Variants in ARHGAP26 observed in about 807,000 individuals in gnomAD.
The protein encoded by ARHGAP26 is Rho GTPase activating protein 26, also known as rho GTPase-activating protein 26.
ARHGAP26 carries 38 observed loss-of-function variants against 104.8 expected under a neutral mutation model. The ratio of observed to expected loss-of-function variants is 0.36; its 90% CI spans 0.28 to 0.48. The LOEUF is 0.48. Ranked by LOEUF, ARHGAP26 falls within the 20% of genes least tolerant of loss-of-function variation. The probability of loss-of-function intolerance (pLI) is 0.99; values close to 1 mark genes in which losing one functional copy is unlikely to be tolerated. For missense variants in ARHGAP26, 704 were observed against 947.9 expected (o/e 0.74, Z 3.38); for synonymous variants, 341 against 340.0 (o/e 1.00, Z -0.03).
At chr5:143,165,917 G>A in intron 20 of ARHGAP26, 2 of 634,028 alleles carry the variant, frequency 3.2e-6, no homozygotes, top group Non-Finnish European at 4.7e-6. Flanking sequence ...AGGGTTGTTA[G>A]GATGAAATGA....
chr5:142,842,357 CAGA>C (rs901939719), intron 1 of ARHGAP26, among the ~76,000 whole-genome samples: 1 of 152,148 alleles, frequency 6.6e-6, no homozygotes, highest in African/African-American at 2.4e-5. Flanking sequence ...GTCTGTGGGA[CAGA>C]AGGTTTGTGG....
At chr5:142,883,004 C>G (rs927516179) in intron 4 of ARHGAP26, among the ~76,000 whole-genome samples, 1 of 152,150 alleles carries the variant, frequency 6.6e-6, no homozygotes, top group Non-Finnish European at 1.5e-5. Flanking sequence ...ATCTTGTGTC[C>G]TGAGTAATGG....
At chr5:142,919,295 A>G in intron 10 of ARHGAP26, 1 of 398,676 alleles carries the variant, frequency 2.5e-6, no homozygotes, top group Non-Finnish European at 4.4e-6. Flanking sequence ...TGCACCTACA[A>G]GCCAATGAAC....
chr5:142,900,280 A>G (rs1325813485), intron 6 of ARHGAP26, among the ~76,000 whole-genome samples: 1 of 152,192 alleles, frequency 6.6e-6, no homozygotes, highest in African/African-American at 2.4e-5. Flanking sequence ...GAAGAAAAAC[A>G]TTCATTATCA....
At chr5:143,142,210 C>G (rs759022580) in intron 19 of ARHGAP26, among the ~76,000 whole-genome samples, 2 of 137,530 alleles carry the variant, frequency 1.5e-5, no homozygotes, top group Middle Eastern at 4.5e-3. Context: ...ACGATCTTGG[C>G]TCACTGCAAC....
chr5:142,903,409 T>G, intron 7 of ARHGAP26, 131 bp from the exon 8 acceptor site: 1 of 906,434 alleles, frequency 1.1e-6, no homozygotes, highest in Non-Finnish European at 1.7e-6. Context: ...CATAAGGGAG[T>G]ATTTGGCCAG....
chr5:143,131,929 A>AT lies in ARHGAP26; in HGVS notation c.1699-2036dup, dbSNP rs576894930. On this transcript the variant is annotated intron_variant, in intron 18 of 22. Transcript: ENST00000645722. ...TTGCAGTCCTTGAGCTTTTCTTTCTATTATAGAGGCTCAGTAAGAGACTAG... is the reference window on the plus strand; with the variant it reads ...TTGCAGTCCTTGAGCTTTTCTTTCTATTTATAGAGGCTCAGTAAGAGACTAG... 2.6e-3 allele frequency among the ~76,000 whole-genome samples: 395 copies of AT among 152,276 alleles called. 1 individual carries two copies. Among genetic ancestry groups the AT allele is most frequent in the Middle Eastern group, 6.8e-3 (2 of 294 alleles).
In ARHGAP26 at chr5:142,771,119, C is replaced by T. The variant is rs566856024; in HGVS notation, c.154+204C>T. The T allele has an allele frequency of 4.5e-6, 6 of 1,322,696 alleles. No individual in the cohort carries two copies. The African/African-American group carries it at 7.7e-5, about 17-fold the overall frequency. The allele number at this position is 1,322,696 out of a possible 1,614,324, so 81.9% of individuals were successfully genotyped here. A position where few individuals can be genotyped will look rare whatever the true frequency, so the allele number is the denominator to read the frequency against. On this transcript the variant is annotated intron_variant, in intron 1 of 22. Transcript: ENST00000645722. ...TGAAGAGAGAGACCCGTCGCTCCGC[C>T]TTTTGCGTTCAGGGATGGTCGGGAG...
intron 2 of ARHGAP26, chr5:142,874,898 C>G (rs1225974309): frequency 1.8e-6 from 1 of 543,888 alleles, no homozygotes; most frequent in Non-Finnish European, 3.3e-6. Flanking sequence ...AAATCATTCC[C>G]TAGCTAGAGT....
intron 20 of ARHGAP26, among the ~76,000 whole-genome samples, chr5:143,188,844 T>C (rs759520201): frequency 2.9e-4 from 44 of 152,192 alleles, no homozygotes; most frequent in Middle Eastern, 3.4e-3. Flanking sequence ...AAAAAGGAGG[T>C]GTAATAACTG....
intron 5 of ARHGAP26, among the ~76,000 whole-genome samples, chr5:142,892,662 CTGTT>C (rs964150404): frequency 2.0e-5 from 3 of 149,764 alleles, no homozygotes; most frequent in African/African-American, 5.1e-5. Context: ...AATATGACGT[CTGTT>C]TGGCTCACCC....
chr5:142,977,054 CAT>C (rs1362784850), intron 11 of ARHGAP26, among the ~76,000 whole-genome samples: 1 of 152,204 alleles, frequency 6.6e-6, no homozygotes, highest in Non-Finnish European at 1.5e-5. Flanking sequence ...ACTCCTGAGT[CAT>C]ATGCTAGCCC....
At chr5:143,027,659 T>C (rs917053973) in intron 12 of ARHGAP26, among the ~76,000 whole-genome samples, 2 of 152,226 alleles carry the variant, frequency 1.3e-5, no homozygotes, top group Admixed American at 6.5e-5. Context: ...GAAATGTTTG[T>C]GAACCTCTTG....
intron 1 of ARHGAP26, among the ~76,000 whole-genome samples, chr5:142,831,753 C>T (rs1283091357): frequency 2.6e-5 from 4 of 152,120 alleles, no homozygotes; most frequent in Non-Finnish European, 5.9e-5. Context: ...CTCCCTTTAC[C>T]TTAACACTTT....
chr5:143,026,623 C>A (rs1781096937), intron 12 of ARHGAP26, among the ~76,000 whole-genome samples: 1 of 151,980 alleles, frequency 6.6e-6, no homozygotes, highest in Non-Finnish European at 1.5e-5. Flanking sequence ...GGGAGGAGGC[C>A]CTGGGGGTGA....
In ARHGAP26 at chr5:143,068,423, C is replaced by T. The variant is rs537086492; in HGVS notation, c.1538+10676C>T. On this transcript the variant is annotated intron_variant, in intron 17 of 22. Coordinates refer to ENST00000645722, the MANE Select transcript of ARHGAP26 (RefSeq NM_001135608.3). ...CAAGCTACCACCACAATATCCACAC[C>T]TGTGCCTATGTTTCTGCCATCTCTC... Among the ~76,000 whole-genome samples, 3 of 152,262 alleles carry T rather than the reference C, an allele frequency of 2.0e-5. No individual in the cohort carries two copies. In the East Asian group the frequency reaches 5.8e-4, roughly 29 times the overall value.
In ARHGAP26 at chr5:143,214,081, C is replaced by G; in HGVS notation, c.2184C>G (p.Phe728Leu). 6.5e-7 allele frequency: 1 copy of G among 1,538,806 alleles called. No homozygotes were observed. Among genetic ancestry groups the G allele is most frequent in the African/African-American group, 1.4e-5 (1 of 69,344 alleles). ...TTTCGTTCACAGCAGGCACGGTCTT[C>G]GATAACGGTGAGTTTCTCATCCCCT... ...SELSFTAGTVFDNVHPSQEPG... is the reference protein window; with the variant it reads ...SELSFTAGTVLDNVHPSQEPG... Residue 728 changes from phenylalanine to leucine, a missense_variant, in exon 22 of 23, where the codon TTC becomes TTG. Physicochemically the swap from Phe to Leu is conservative, Grantham distance 22. Transcript: ENST00000645722.
At chr5:143,187,752 CT>C (rs1805354378) in intron 20 of ARHGAP26, among the ~76,000 whole-genome samples, 1 of 152,242 alleles carries the variant, frequency 6.6e-6, no homozygotes, top group South Asian at 2.1e-4. Context: ...CCTTGCAGGA[CT>C]GTTGGGACGA....
Position 143,070,257 on chromosome 5 carries a change from T to C in ARHGAP26, c.1538+12510T>C, listed in dbSNP as rs3776326. Among the ~76,000 whole-genome samples, 6,508 of 152,326 alleles carry C rather than the reference T, an allele frequency of 0.043. 842 individuals are homozygous for C. In the East Asian group the frequency reaches 0.52, roughly 12 times the overall value. On this transcript the variant is annotated intron_variant, in intron 17 of 22. Coordinates refer to ENST00000645722, the MANE Select transcript of ARHGAP26 (RefSeq NM_001135608.3). ...GAACTGCCACTTAAACTGCTTTGCA[T>C]GCTACCTAGTTATGAGCTTCCCTTC...
Sources: allele counts gnomAD v4.1 joint callset (sites outside exome capture counted in the v4.1 genomes callset), GRCh38; gene constraint gnomAD v4.1.1; transcripts MANE v1.5; gene names NCBI Gene and HGNC (gene_info 2026-07-23, HGNC 2026-07-21).